EPS15: variants seen among roughly 807,000 people sequenced by gnomAD.
EPS15 encodes the protein epidermal growth factor receptor pathway substrate 15, also known as epidermal growth factor receptor substrate 15.
EPS15 carries 72 observed loss-of-function variants against 113.8 expected under a neutral mutation model. The observed-to-expected ratio is 0.63, with a 90% CI of 0.52 to 0.77. EPS15 has a LOEUF of 0.77. Among genes scored for constraint, EPS15 ranks in the 30% least tolerant of loss-of-function variants. The pLI, the probability that EPS15 is intolerant of heterozygous loss-of-function variation, is 0.00. For synonymous variants in EPS15, 344 were observed against 363.4 expected (o/e 0.95, Z 0.61); for missense variants, 1,048 against 1,045.8 (o/e 1.00, Z -0.03).
chr1:51,465,454 T>G, intron 5 of EPS15, 128 bp from the exon 6 acceptor site: 1 of 535,454 alleles, frequency 1.9e-6, no homozygotes, highest in Non-Finnish European at 3.3e-6. Context: ...AGGACACTAT[T>G]TTACATTTAC....
In EPS15 at chr1:51,402,491, G is replaced by T; in HGVS notation, c.1826C>A (p.Thr609Lys). ...CAAGTTTGTATCTGCAACTGGACCTGTCAGCGAACTTGAGTCTACATTAAA... is the reference window on the plus strand; with the variant it reads ...CAAGTTTGTATCTGCAACTGGACCTTTCAGCGAACTTGAGTCTACATTAAA... Reference protein sequence around the residue: ...DPFNVDSSSLTGPVADTNLDF... With the variant: ...DPFNVDSSSLKGPVADTNLDF... The change falls in exon 18 of 25, where the codon ACA (threonine) becomes AAA (lysine). Residue 609 changes from threonine to lysine, a missense_variant. Coordinates refer to ENST00000371733, the MANE Select transcript of EPS15 (RefSeq NM_001981.3). 1.3e-6 allele frequency: 2 copies of T among 1,587,742 alleles called. No homozygotes were observed. Among genetic ancestry groups the T allele is most frequent in the Non-Finnish European group, 1.7e-6 (2 of 1,163,480 alleles).
chr1:51,508,330 G>GAGAAAGAGAGAAAGAA (rs1181266488), intron 1 of EPS15, among the ~76,000 whole-genome samples: 1 of 100,172 alleles, frequency 1.0e-5, no homozygotes, highest in Non-Finnish European at 2.1e-5. Context: ...AAGAGAGAAA[G>GAGAAAGAGAGAAAGAA]AGAAAGAGAG....
At chr1:51,380,408 G>A (rs780534912) in intron 21 of EPS15, among the ~76,000 whole-genome samples, 2 of 152,268 alleles carry the variant, frequency 1.3e-5, no homozygotes, top group Non-Finnish European at 2.9e-5. Context: ...AGTAAATTGT[G>A]ACTTTCAACC....
At chr1:51,442,300 A>G (rs1402073824) in intron 11 of EPS15, among the ~76,000 whole-genome samples, 1 of 152,136 alleles carries the variant, frequency 6.6e-6, no homozygotes, top group Non-Finnish European at 1.5e-5. Context: ...CTTCACTTAA[A>G]TGCTATCAGA....
intron 1 of EPS15, among the ~76,000 whole-genome samples, chr1:51,482,076 G>A (rs1208930123): frequency 2.0e-5 from 3 of 152,136 alleles, no homozygotes; most frequent in African/African-American, 4.8e-5. Flanking sequence ...AGGCTGAGGT[G>A]GGAGAACTGC....
chr1:51,465,110 G>A (rs1420620239), intron 6 of EPS15, 151 bp downstream of exon 6: 1 of 478,174 alleles, frequency 2.1e-6, no homozygotes, highest in Non-Finnish European at 3.7e-6. Flanking sequence ...AGAGCCGAAA[G>A]ATCCCTCAGA....
chr1:51,409,169 G>A (rs758488594), intron 14 of EPS15, among the ~76,000 whole-genome samples: 15 of 151,954 alleles, frequency 9.9e-5, no homozygotes, highest in Admixed American at 7.9e-4. Context: ...AATTCCCCCC[G>A]CCTCAGACTC....
chr1:51,476,531 A>T (rs538011754), intron 2 of EPS15, among the ~76,000 whole-genome samples: 1 of 152,112 alleles, frequency 6.6e-6, no homozygotes, highest in South Asian at 2.1e-4. Context: ...TTTCTGTGGG[A>T]TCAGTGGTGA....
intron 21 of EPS15, among the ~76,000 whole-genome samples, chr1:51,381,360 A>G (rs1161496305): frequency 6.6e-6 from 1 of 152,184 alleles, no homozygotes; most frequent in Non-Finnish European, 1.5e-5. Flanking sequence ...TGGGAGGCCG[A>G]GATGGGCAGG....
At chr1:51,372,377 GC>G in intron 21 of EPS15, 1 of 536,630 alleles carries the variant, frequency 1.9e-6, no homozygotes, top group South Asian at 1.4e-5. Context: ...TTGTTGGTGT[GC>G]TTTTGGGGTC....
intron 21 of EPS15, among the ~76,000 whole-genome samples, chr1:51,377,764 T>C (rs897967504): frequency 1.3e-5 from 2 of 152,196 alleles, no homozygotes; most frequent in Non-Finnish European, 2.9e-5. Context: ...CAGTGTTATT[T>C]TAAGAAATCG....
chr1:51,508,385 A>AAAGAGAGAAAGAAAGAAAGG (rs1557537547), intron 1 of EPS15, among the ~76,000 whole-genome samples: 26 of 146,374 alleles, frequency 1.8e-4, no homozygotes, highest in Middle Eastern at 3.6e-3. Flanking sequence ...AGAAAGAAAG[A>AAAGAGAGAAAGAAAGAAAGG]GAAAATTTAA....
intron 21 of EPS15, among the ~76,000 whole-genome samples, chr1:51,374,261 T>C (rs1646730947): frequency 6.6e-6 from 1 of 152,168 alleles, no homozygotes; most frequent in Non-Finnish European, 1.5e-5. Flanking sequence ...CAAAAAAATT[T>C]CTGGCACTTA....
chr1:51,423,168 T>C (rs1483553429), intron 12 of EPS15: 1 of 1,280,876 alleles, frequency 7.8e-7, no homozygotes, highest in South Asian at 1.2e-5. Flanking sequence ...TTGTACACTG[T>C]TACTTTTAAA....
At chr1:51,433,784 G>T (rs1421629021) in intron 12 of EPS15, among the ~76,000 whole-genome samples, 1 of 152,194 alleles carries the variant, frequency 6.6e-6, no homozygotes, top group African/African-American at 2.4e-5. Context: ...TAACAAACAG[G>T]CCTGACAGGA....
At chr1:51,463,886 T>A in intron 6 of EPS15, 88 bp from the exon 7 acceptor site, 1 of 663,930 alleles carries the variant, frequency 1.5e-6, no homozygotes, top group Non-Finnish European at 2.5e-6. Context: ...AAGAATAGAC[T>A]ACATATGTTT....
rs532295155 is a variant in EPS15 at position 51,393,487 on chromosome 1, C to T, written c.2119+894G>A. Among the ~76,000 whole-genome samples, 9 of 152,370 alleles carry T rather than the reference C, an allele frequency of 5.9e-5. No individual in the cohort carries two copies. In the South Asian group the frequency reaches 1.0e-3, roughly 18 times the overall value. ...AAAATGCTGGGATTACAGGCGTGAG[C>T]CACCGGGCCCAGGCTCCTGTAAAGG... On this transcript the variant is annotated intron_variant, in intron 21 of 24. Coordinates refer to ENST00000371733, the MANE Select transcript of EPS15 (RefSeq NM_001981.3).
At position 51,497,749 on chromosome 1, in the gene EPS15, C is replaced by T. The variant is rs576525494; in HGVS notation, c.34-16435G>A. Among the ~76,000 whole-genome samples, 44 of 152,138 alleles carry T rather than the reference C, an allele frequency of 2.9e-4. No homozygotes were observed. The South Asian group carries it at 9.1e-3, about 32-fold the overall frequency. On this transcript the variant is annotated intron_variant, in intron 1 of 24. Transcript: ENST00000371733. ...ATTCCAGCACTTTGGGAGGTCAAGG[C>T]GGGCGGATCACGAGGTCAACAGATG...
chr1:51,451,552 T>C (rs1653570590), intron 8 of EPS15, among the ~76,000 whole-genome samples: 2 of 135,364 alleles, frequency 1.5e-5, no homozygotes, highest in South Asian at 4.6e-4. Flanking sequence ...CTAAGATAAA[T>C]AAGAAATTAA....
Sources: allele counts gnomAD v4.1 joint callset (sites outside exome capture counted in the v4.1 genomes callset), GRCh38; gene constraint gnomAD v4.1.1; transcripts MANE v1.5; gene names NCBI Gene and HGNC (gene_info 2026-07-23, HGNC 2026-07-21).